Variants in SGK3 observed in about 807,000 individuals in gnomAD.
SGK3 encodes serum/glucocorticoid regulated kinase family member 3.
Under a neutral mutation model 68.5 loss-of-function variants are expected in SGK3, and 47 were observed. The observed-to-expected ratio is 0.69, with a 90% CI of 0.54 to 0.87. The LOEUF (loss-of-function observed/expected upper bound fraction) is 0.87, where lower values mean the gene tolerates loss of function less well. Among genes scored for constraint, SGK3 ranks in the 40% least tolerant of loss-of-function variants. The pLI, the probability that SGK3 is intolerant of heterozygous loss-of-function variation, is 0.00. For missense variants in SGK3, 479 were observed against 575.5 expected (o/e 0.83, Z 1.72); for synonymous variants, 181 against 189.1 (o/e 0.96, Z 0.35).
intron 8 of SGK3, among the ~76,000 whole-genome samples, chr8:66,832,751 AG>A (rs1809353204): frequency 6.6e-6 from 1 of 151,704 alleles, no homozygotes; most frequent in African/African-American, 2.4e-5. Flanking sequence ...AAAAAAAAAA[AG>A]TCATTATCTT....
chr8:66,759,118 C>G (rs530827420), intron 1 of SGK3, among the ~76,000 whole-genome samples: 1 of 144,222 alleles, frequency 6.9e-6, no homozygotes, highest in South Asian at 2.2e-4. Flanking sequence ...CACTCTGTCT[C>G]CCTGTCTCCC....
intron 5 of SGK3, among the ~76,000 whole-genome samples, chr8:66,819,823 G>GTT (rs879422646): frequency 7.0e-6 from 1 of 143,110 alleles, no homozygotes; most frequent in Admixed American, 7.1e-5. Context: ...TTGTTTTTTG[G>GTT]TTTTTTTTTT....
intron 16 of SGK3, among the ~76,000 whole-genome samples, chr8:66,856,408 C>G (rs1348176706): frequency 1.3e-5 from 2 of 152,096 alleles, no homozygotes; most frequent in Non-Finnish European, 2.9e-5. Flanking sequence ...GGTTGAGTAT[C>G]CTTTATCTGA....
At position 66,843,184 on chromosome 8, in the gene SGK3, T is replaced by C. The variant is rs559347949; in HGVS notation, c.979-268T>C. 3.3e-5 allele frequency among the ~76,000 whole-genome samples: 5 copies of C among 152,326 alleles called. No homozygotes were observed. The South Asian group carries it at 1.0e-3, about 32-fold the overall frequency. ...TACCTACATCACCTATTGGGAATTATAGATTCTACCTTCGCGATACTCTTA... is the reference window on the plus strand; with the variant it reads ...TACCTACATCACCTATTGGGAATTACAGATTCTACCTTCGCGATACTCTTA... On this transcript the variant is annotated intron_variant, in intron 13 of 16. Coordinates refer to ENST00000521198, the MANE Select transcript of SGK3 (RefSeq NM_001033578.3).
In SGK3 at chr8:66,860,769, C is replaced by T. The variant is rs1032090195; in HGVS notation, c.*1188C>T. On this transcript the variant is annotated 3_prime_UTR_variant, in exon 17 of 17. Coordinates refer to ENST00000521198, the MANE Select transcript of SGK3 (RefSeq NM_001033578.3). ...CAAATAGGTATTTCAAAGCTCTTTT[C>T]CTAACTGGTTAAGTAAAATAAAAAA... 23 of 152,072 alleles carry T rather than the reference C, an allele frequency of 1.5e-4. No homozygotes were observed. The highest frequency in any genetic ancestry group is 2.9e-5 in the Non-Finnish European group (2 of 68,020). 9.4% of individuals were successfully genotyped at this position (152,072 alleles called of 1,614,324 possible). A position where few individuals can be genotyped will look rare whatever the true frequency, so the allele number is the denominator to read the frequency against.
At chr8:66,849,164 T>A (rs1030973149) in intron 15 of SGK3, among the ~76,000 whole-genome samples, 1 of 152,216 alleles carries the variant, frequency 6.6e-6, no homozygotes, top group Non-Finnish European at 1.5e-5. Context: ...GTTATCTATA[T>A]GTTTTCATCT....
chr8:66,831,932 G>A (rs774852212), intron 8 of SGK3, among the ~76,000 whole-genome samples: 8 of 151,950 alleles, frequency 5.3e-5, no homozygotes, highest in Non-Finnish European at 1.2e-4. Flanking sequence ...TTACAATCTC[G>A]GTGGGGGGAT....
At chr8:66,803,014 A>G (rs1808011375) in intron 3 of SGK3, among the ~76,000 whole-genome samples, 1 of 152,272 alleles carries the variant, frequency 6.6e-6, no homozygotes, top group South Asian at 2.1e-4. Context: ...CAAAACATAT[A>G]CACAATATCA....
At chr8:66,767,336 C>A in intron 1 of SGK3, 1 of 984,126 alleles carries the variant, frequency 1.0e-6, no homozygotes. Flanking sequence ...ATCTTTTTTT[C>A]TGTTAAACAA....
chr8:66,788,738 G>A (rs1807312923), intron 1 of SGK3, among the ~76,000 whole-genome samples: 2 of 152,204 alleles, frequency 1.3e-5, no homozygotes, highest in Non-Finnish European at 2.9e-5. Flanking sequence ...GATATCCTGG[G>A]TCAGACCAGG....
At chr8:66,848,094 G>A (rs946171670) in intron 15 of SGK3, among the ~76,000 whole-genome samples, 2 of 152,110 alleles carry the variant, frequency 1.3e-5, no homozygotes, top group African/African-American at 4.8e-5. Context: ...GTGAATAAAA[G>A]ACTTTGCTGC....
intron 6 of SGK3, among the ~76,000 whole-genome samples, chr8:66,824,645 C>A (rs1215109274): frequency 2.0e-5 from 3 of 152,084 alleles, no homozygotes; most frequent in African/African-American, 4.8e-5. Flanking sequence ...CAGAAAAAAG[C>A]AAAAGATGTT....
At chr8:66,780,579 C>T (rs1018720917) in intron 1 of SGK3, among the ~76,000 whole-genome samples, 1 of 152,124 alleles carries the variant, frequency 6.6e-6, no homozygotes, top group Non-Finnish European at 1.5e-5. Context: ...ACAGAGGGGC[C>T]ACTGGTACAA....
intron 1 of SGK3, among the ~76,000 whole-genome samples, chr8:66,744,524 T>TG (rs1324906931): frequency 0.035 from 3,475 of 98,696 alleles, 241 homozygotes; most frequent in African/African-American, 0.093. Context: ...TATATATTTT[T>TG]TTTTTTTTTT....
intron 1 of SGK3, among the ~76,000 whole-genome samples, chr8:66,770,310 C>G (rs1806467082): frequency 6.6e-6 from 1 of 152,118 alleles, no homozygotes; most frequent in African/African-American, 2.4e-5. Context: ...CTTTGCATGC[C>G]TTGTAATACT....
At chr8:66,834,903 G>A (rs1404903963) in intron 8 of SGK3, among the ~76,000 whole-genome samples, 12 of 146,168 alleles carry the variant, frequency 8.2e-5, no homozygotes, top group Non-Finnish European at 1.6e-4. Context: ...TCGCGCCACT[G>A]CACTCCAGCC....
chr8:66,729,734 T>TA (rs201843532), intron 1 of SGK3, among the ~76,000 whole-genome samples: 1 of 134,416 alleles, frequency 7.4e-6, no homozygotes, highest in East Asian at 2.0e-4. Context: ...TATTTATTTA[T>TA]TTTTATTTAT....
Position 66,731,868 on chromosome 8 carries a change from G to T in SGK3, c.-122+19035G>T, listed in dbSNP as rs192660262. Reference sequence around the variant, plus strand: ...CATTTAAATGTAACTTATGTTTAGTGGTATTTTCTCAAGTCTGTGATTCTT... The same window carrying T: ...CATTTAAATGTAACTTATGTTTAGTTGTATTTTCTCAAGTCTGTGATTCTT... On this transcript the variant is annotated intron_variant, in intron 1 of 16. Transcript: ENST00000521198. 3.4e-3 allele frequency among the ~76,000 whole-genome samples: 525 copies of T among 152,212 alleles called. 5 individuals carry two copies. The highest frequency in any genetic ancestry group is 0.012 in the African/African-American group (508 of 41,542).
chr8:66,737,977 C>A (rs370472280), intron 1 of SGK3, among the ~76,000 whole-genome samples: 1 of 151,940 alleles, frequency 6.6e-6, no homozygotes, highest in African/African-American at 2.4e-5. Context: ...TAGATAGCTA[C>A]CTTAATATAG....
Sources: allele counts gnomAD v4.1 joint callset (sites outside exome capture counted in the v4.1 genomes callset), GRCh38; gene constraint gnomAD v4.1.1; transcripts MANE v1.5; gene names NCBI Gene and HGNC (gene_info 2026-07-23, HGNC 2026-07-21).